Variants in NISCH observed in about 807,000 individuals in gnomAD.
NISCH encodes the protein I-1 receptor candidate protein.
In NISCH, 55 loss-of-function variants were observed where a neutral mutation model predicts 138.4. The observed-to-expected ratio is 0.40, with a 90% CI of 0.32 to 0.50. The LOEUF is 0.50. Ranked by LOEUF, NISCH falls within the 20% of genes least tolerant of loss-of-function variation. The pLI is 0.71. For synonymous variants in NISCH, 860 were observed against 861.5 expected, an observed-to-expected ratio of 1.00 and a Z score of 0.03; for missense variants, 1,643 against 2,005.5, an observed-to-expected ratio of 0.82 and a Z score of 3.45.
intron 3 of NISCH, among the ~76,000 whole-genome samples, chr3:52,461,842 G>A (rs187475910): frequency 1.5e-4 from 22 of 146,674 alleles, no homozygotes; most frequent in South Asian, 2.1e-4. Context: ...TAGCCTGGGC[G>A]ACAGAGCAAG....
chr3:52,478,892 T>A (rs775126868), intron 11 of NISCH, among the ~76,000 whole-genome samples: 2 of 152,178 alleles, frequency 1.3e-5, no homozygotes, highest in Non-Finnish European at 2.9e-5. Flanking sequence ...AGGGTTTGCC[T>A]TTGCCAGTGT....
rs1260995302 is a variant in NISCH, at chr3:52,458,852, C to T, written c.360+8C>T. 1 of 1,581,688 alleles carries T rather than the reference C, an allele frequency of 6.3e-7. No homozygotes were observed. Among genetic ancestry groups the T allele is most frequent in the Admixed American group, 1.9e-5 (1 of 53,116 alleles). On this transcript the variant is annotated splice_region_variant and intron_variant, in intron 3 of 20. Coordinates refer to ENST00000345716, the MANE Select transcript of NISCH (RefSeq NM_007184.4). The stretch of plus-strand genomic sequence containing the variant: ...TTGCATTTTCACTTCTATGTAAGTT[C>T]CTCATCGGGTTTTCACCTGTGCCTG...
chr3:52,485,751 G>A, intron 14 of NISCH, 27 bp from the exon 15 acceptor site: 1 of 1,566,030 alleles, frequency 6.4e-7, no homozygotes, highest in Non-Finnish European at 8.7e-7. Context: ...AGTAGGTGGG[G>A]ACTGACTGTG....
intron 13 of NISCH, among the ~76,000 whole-genome samples, chr3:52,483,218 G>T (rs1211554314): frequency 6.6e-6 from 1 of 152,228 alleles, no homozygotes; most frequent in African/African-American, 2.4e-5. Context: ...GGGCCCACCT[G>T]CCTGCCTCGC....
At chr3:52,459,336 C>T (rs1053959677) in intron 3 of NISCH, among the ~76,000 whole-genome samples, 1 of 152,188 alleles carries the variant, frequency 6.6e-6, no homozygotes, top group African/African-American at 2.4e-5. Flanking sequence ...CATAGAACAG[C>T]TCTGTACTCC....
chr3:52,478,281 A>G lies in NISCH; in HGVS notation c.1172A>G (p.Gln391Arg). 1 of 1,613,958 alleles carries G rather than the reference A, an allele frequency of 6.2e-7. No homozygotes were observed. The highest frequency in any genetic ancestry group is 8.5e-7 in the Non-Finnish European group (1 of 1,179,838). The change falls in exon 10 of 21, where the codon CAG becomes CGG. Residue 391 changes from glutamine (Q) to arginine (R), a missense_variant and splice_region_variant. Physicochemically the swap from Gln to Arg is conservative, Grantham distance 43. Coordinates refer to ENST00000345716, the MANE Select transcript of NISCH (RefSeq NM_007184.4). ...GATCTCCGGGACAACAGGATCGAAC[A>G]GGTGAGCCCAAGGACCTCACAGTTT... Reference protein sequence around the residue: ...NLDLRDNRIEQMEEVRSIGSL... With the variant: ...NLDLRDNRIERMEEVRSIGSL...
intron 14 of NISCH, 100 bp from the exon 15 acceptor site, chr3:52,485,678 G>A (rs1707383492): frequency 2.3e-6 from 3 of 1,330,660 alleles, no homozygotes; most frequent in African/African-American, 1.5e-5. Context: ...CCTCAGGGCG[G>A]TGATGGAGGG....
At chr3:52,467,418 C>G (rs1706816285) in intron 3 of NISCH, among the ~76,000 whole-genome samples, 1 of 152,238 alleles carries the variant, frequency 6.6e-6, no homozygotes, top group African/African-American at 2.4e-5. Flanking sequence ...ACACCCCACC[C>G]CGCCTCCTCC....
chr3:52,492,674 A>G lies in NISCH; in HGVS notation c.*192A>G, dbSNP rs1393547408. 4 of 790,322 alleles carry G rather than the reference A, an allele frequency of 5.1e-6. No individual in the cohort carries two copies. In the Admixed American group the frequency reaches 8.9e-5, roughly 18 times the overall value. 49.0% of individuals were successfully genotyped at this position (790,322 alleles called of 1,614,324 possible). A position where few individuals can be genotyped will look rare whatever the true frequency, so the allele number is the denominator to read the frequency against. On this transcript the variant is annotated 3_prime_UTR_variant, in exon 21 of 21. Coordinates refer to ENST00000345716, the MANE Select transcript of NISCH (RefSeq NM_007184.4). ...TGGGAGTGAGAATGCCGGGCCCCTCAGGGCTGTCGGTGTGCTGTCAGCCTC... is the reference window on the plus strand; with the variant it reads ...TGGGAGTGAGAATGCCGGGCCCCTCGGGGCTGTCGGTGTGCTGTCAGCCTC...
At chr3:52,481,527 A>T in intron 13 of NISCH, 1 of 985,502 alleles carries the variant, frequency 1.0e-6, no homozygotes, top group South Asian at 4.7e-5. Flanking sequence ...TGCCTCCTGT[A>T]GCGCAGCCAA....
intron 13 of NISCH, among the ~76,000 whole-genome samples, chr3:52,482,585 C>G (rs1707305546): frequency 6.6e-6 from 1 of 152,192 alleles, no homozygotes; most frequent in African/African-American, 2.4e-5. Flanking sequence ...TTCATTGATT[C>G]TAAGAGGCAC....
chr3:52,476,500 A>C lies in NISCH; in HGVS notation c.819A>C (p.Thr273=), dbSNP rs767366189. Reference sequence around the variant, plus strand: ...TTGATGAGTGGGAGCCTGAAGGCACAACCCTAGAAGGCCCTGTGACTGCCG... The same window carrying C: ...TTGATGAGTGGGAGCCTGAAGGCACCACCCTAGAAGGCCCTGTGACTGCCG... ...SEFDEWEPEG[T]TLEGPVTAVI... Residue 273 remains threonine (T), a synonymous_variant, in exon 8 of 21, where the codon ACA becomes ACC. Coordinates refer to ENST00000345716, the MANE Select transcript of NISCH (RefSeq NM_007184.4). 1.2e-6 allele frequency: 2 copies of C among 1,613,974 alleles called. No individual in the cohort carries two copies. Among genetic ancestry groups the C allele is most frequent in the Non-Finnish European group, 8.5e-7 (1 of 1,180,020 alleles).
chr3:52,484,401 G>T, intron 13 of NISCH, 112 bp from the exon 14 acceptor site: 1 of 1,026,770 alleles, frequency 9.7e-7, no homozygotes, highest in Non-Finnish European at 1.4e-6. Flanking sequence ...TTTGGGATCT[G>T]GCTAACCCCC....
At chr3:52,460,845 C>T (rs1455599894) in intron 3 of NISCH, among the ~76,000 whole-genome samples, 1 of 152,172 alleles carries the variant, frequency 6.6e-6, no homozygotes, top group Non-Finnish European at 1.5e-5. Context: ...TACTTGTTTT[C>T]CTTTTATATG....
intron 3 of NISCH, among the ~76,000 whole-genome samples, chr3:52,464,542 T>TTTG (rs1170672487): frequency 6.8e-6 from 1 of 146,344 alleles, no homozygotes; most frequent in African/African-American, 2.5e-5. Context: ...TTTTTTTTTT[T>TTTG]GAGACAGATT....
chr3:52,491,647 G>T (rs1415054776), intron 20 of NISCH, 134 bp downstream of exon 20: 2 of 1,184,658 alleles, frequency 1.7e-6, no homozygotes, highest in Non-Finnish European at 2.3e-6. Context: ...AGGGTTTTAT[G>T]TGGGGCTTTT....
intron 3 of NISCH, among the ~76,000 whole-genome samples, chr3:52,464,162 C>T (rs1166292786): frequency 6.6e-6 from 1 of 151,794 alleles, no homozygotes; most frequent in African/African-American, 2.4e-5. Context: ...CTTTGGAAGG[C>T]TGAGGTGGGC....
intron 14 of NISCH, among the ~76,000 whole-genome samples, chr3:52,484,939 G>A (rs1326964040): frequency 6.6e-6 from 1 of 152,126 alleles, no homozygotes; most frequent in Non-Finnish European, 1.5e-5. Flanking sequence ...CAGGTGGAGA[G>A]GGTGGCCCTT....
chr3:52,492,419 G>T lies in NISCH; in HGVS notation c.4452G>T (p.Ser1484=), dbSNP rs370820504. Residue 1484 remains serine (S), a synonymous_variant, in exon 21 of 21, where the codon TCG becomes TCT. Coordinates refer to ENST00000345716, the MANE Select transcript of NISCH (RefSeq NM_007184.4). ...PSAESREKLI[S]LLARQWEALC... The stretch of plus-strand genomic sequence containing the variant: ...CTGAGAGCAGAGAGAAGCTCATCTC[G>T]CTGTTGGCTCGCCAGTGGGAGGCCC... 16 of 1,612,524 alleles carry T rather than the reference G, an allele frequency of 9.9e-6. No individual in the cohort carries two copies. The highest frequency in any genetic ancestry group is 2.2e-5 in the South Asian group (2 of 91,084).
Sources: gnomAD v4.1 joint callset for allele counts (sites outside exome capture counted in the v4.1 genomes callset) on GRCh38, gnomAD v4.1.1 for gene constraint, MANE v1.5 for transcripts, NCBI Gene and HGNC (gene_info 2026-07-23, HGNC 2026-07-21) for gene names.